Variants in KLF8 observed in about 807,000 individuals in gnomAD.
KLF8 encodes the protein Krueppel-like factor 8.
A neutral mutation model predicts 18.2 loss-of-function variants in KLF8; 10 were observed. The ratio of observed to expected loss-of-function variants is 0.55; its 90% CI spans 0.34 to 0.93. KLF8 has a LOEUF of 0.93. KLF8 is among the 40% of genes least tolerant of loss of function. The pLI, the probability that KLF8 is intolerant of heterozygous loss-of-function variation, is 0.02. For missense variants in KLF8, 264 were observed against 277.9 expected (o/e 0.95, Z 0.36); for synonymous variants, 109 against 97.3 (o/e 1.12, Z -0.71).
the KLF8 span, among the ~76,000 whole-genome samples, chrX:56,174,410 G>A: frequency 3.6e-5 from 4 of 111,591 alleles, no homozygotes; most frequent in South Asian, 7.4e-4. Flanking sequence ...ATTAATTTTC[G>A]TATGTTGAAC....
the KLF8 span, among the ~76,000 whole-genome samples, chrX:56,154,548 G>A: frequency 2.8e-3 from 318 of 111,857 alleles, no homozygotes; most frequent in African/African-American, 1.0e-2. Flanking sequence ...GCATGGGCAA[G>A]GACTTCATGT....
At chrX:56,151,564 A>T in the KLF8 span, among the ~76,000 whole-genome samples, 3 of 110,885 alleles carry the variant, frequency 2.7e-5, no homozygotes, top group Non-Finnish European at 3.8e-5. Context: ...GGCTTGTGTA[A>T]CTGGATGTGT....
the KLF8 span, among the ~76,000 whole-genome samples, chrX:56,153,328 A>G: frequency 9.1e-6 from 1 of 109,365 alleles, no homozygotes; most frequent in African/African-American, 3.3e-5. Context: ...GCGCTCTTGC[A>G]TGGGGAACAG....
chrX:56,007,286 G>T, the KLF8 span, among the ~76,000 whole-genome samples: 1 of 111,301 alleles, frequency 9.0e-6, no homozygotes, highest in Non-Finnish European at 1.9e-5. Flanking sequence ...TCCCAGAGCA[G>T]GATGTAGTCT....
At chrX:56,090,111 A>G in the KLF8 span, among the ~76,000 whole-genome samples, 1 of 112,151 alleles carries the variant, frequency 8.9e-6, no homozygotes, top group African/African-American at 3.2e-5. Flanking sequence ...GTCACAGCCC[A>G]GAAGCACAGG....
the KLF8 span, among the ~76,000 whole-genome samples, chrX:56,098,035 T>C: frequency 9.0e-6 from 1 of 111,159 alleles, no homozygotes; most frequent in Non-Finnish European, 1.9e-5. Flanking sequence ...CTACATAGAT[T>C]AATGCTCTCC....
the KLF8 span, among the ~76,000 whole-genome samples, chrX:56,167,145 C>A: frequency 2.0e-3 from 226 of 110,812 alleles, 2 homozygotes; most frequent in African/African-American, 7.2e-3. Flanking sequence ...TTCTTTTGGG[C>A]GGGGGGATAG....
the KLF8 span, among the ~76,000 whole-genome samples, chrX:55,971,935 G>A: frequency 4.5e-5 from 5 of 110,375 alleles, no homozygotes; most frequent in African/African-American, 1.6e-4. Flanking sequence ...TGGACAAAAG[G>A]GCACCCTTAC....
chrX:55,945,293 A>G, the KLF8 span, among the ~76,000 whole-genome samples: 3 of 110,998 alleles, frequency 2.7e-5, no homozygotes, highest in Admixed American at 1.9e-4. Context: ...GGTGCTGAAA[A>G]AAATGTATAT....
At chrX:56,125,107 T>C in the KLF8 span, among the ~76,000 whole-genome samples, 1 of 112,077 alleles carries the variant, frequency 8.9e-6, no homozygotes, top group Non-Finnish European at 1.9e-5. Context: ...CAATACTTTT[T>C]CCACCTGCAC....
chrX:56,036,383 G>T, the KLF8 span, among the ~76,000 whole-genome samples: 1 of 111,654 alleles, frequency 9.0e-6, no homozygotes, highest in Admixed American at 9.5e-5. Flanking sequence ...GTCTAGTTTT[G>T]TTCTTCCATA....
chrX:56,103,757 G>C, the KLF8 span, among the ~76,000 whole-genome samples: 1 of 111,557 alleles, frequency 9.0e-6, no homozygotes, highest in Non-Finnish European at 1.9e-5. Flanking sequence ...TGTTGAATAG[G>C]AGTGATGAGA....
chrX:56,057,051 G>A, the KLF8 span, among the ~76,000 whole-genome samples: 29 of 64,973 alleles, frequency 4.5e-4, no homozygotes, highest in South Asian at 0.018. Flanking sequence ...TTGGGGGACT[G>A]CCTCTATGTG....
chrX:56,206,731 ATTC>A, the KLF8 span, among the ~76,000 whole-genome samples: 2 of 112,142 alleles, frequency 1.8e-5, no homozygotes, highest in Non-Finnish European at 1.9e-5. Context: ...TGAATCTACC[ATTC>A]TGATGTCTGG....
the KLF8 span, among the ~76,000 whole-genome samples, chrX:55,927,036 T>C: frequency 8.9e-6 from 1 of 111,818 alleles, no homozygotes; most frequent in Non-Finnish European, 1.9e-5. Flanking sequence ...GTACAAATTA[T>C]GGAGTCTAAC....
At chrX:56,018,241 A>G in the KLF8 span, among the ~76,000 whole-genome samples, 4 of 110,360 alleles carry the variant, frequency 3.6e-5, no homozygotes, top group East Asian at 1.1e-3. Flanking sequence ...CTCTGCCTCC[A>G]TGAAATCAGT....
At chrX:56,269,038 A>G in intron 3 of KLF8, 1 of 891,886 alleles carries the variant, frequency 1.1e-6, no homozygotes, top group Non-Finnish European at 1.4e-6. Flanking sequence ...GTTGAAACTA[A>G]CTTTTCAGCT....
upstream of KLF8, among the ~76,000 whole-genome samples, chrX:56,231,354 C>T (rs1427175081): frequency 9.0e-6 from 1 of 111,665 alleles, no homozygotes; most frequent in Non-Finnish European, 1.9e-5. Context: ...CTGAGGCCTT[C>T]CGTTTCCTTA....
the KLF8 span, among the ~76,000 whole-genome samples, chrX:55,945,178 G>A: frequency 3.6e-5 from 4 of 111,179 alleles, no homozygotes; most frequent in East Asian, 1.1e-3. Context: ...TGGTTTGATT[G>A]CACTGTGGTC....
Sources: allele counts gnomAD v4.1 joint callset (sites outside exome capture counted in the v4.1 genomes callset), GRCh38; gene constraint gnomAD v4.1.1; transcripts MANE v1.5; gene names NCBI Gene and HGNC (gene_info 2026-07-23, HGNC 2026-07-21).